Variants in DDX23 observed in about 807,000 individuals in gnomAD.
DDX23 encodes probable ATP-dependent RNA helicase DDX23.
Under a neutral mutation model 102.7 loss-of-function variants are expected in DDX23, and 33 were observed. That is an observed-to-expected ratio of 0.32 (90% confidence interval 0.24 to 0.43). The LOEUF (loss-of-function observed/expected upper bound fraction) is 0.43. DDX23 is among the 20% of genes least tolerant of loss of function. The pLI is 1.00. For missense variants in DDX23, 549 were observed against 1,086.6 expected (o/e 0.51, Z 6.96); for synonymous variants, 352 against 376.0 (o/e 0.94, Z 0.74).
rs1938473958 is a variant in DDX23, at chr12:48,836,881, C to A, written c.1010+13G>T. The A allele has an allele frequency of 6.2e-7, 1 of 1,613,838 alleles. No individual in the cohort carries two copies. Among genetic ancestry groups the A allele is most frequent in the African/African-American group, 1.3e-5 (1 of 74,932 alleles). ...CTGGGCTCTGTCCAGCCACCCTAGC[C>A]TTGATCACTCACTCCTCCTGCTCCT... is the stretch of plus-strand genomic sequence containing the variant. On this transcript the variant is annotated intron_variant, in intron 9 of 16. Transcript: ENST00000308025. This position sits in a 1 kb window ranked among gnomAD's most constrained non-coding sequence, Gnocchi z 6.1.
intron 12 of DDX23, 142 bp from the exon 13 acceptor site, chr12:48,833,661 C>T: frequency 2.0e-6 from 2 of 993,978 alleles, no homozygotes; most frequent in South Asian, 1.7e-5. Flanking sequence ...GCAGTAAAGG[C>T]TCCTGCAAAC....
In DDX23 at chr12:48,832,039, C is replaced by A. The variant is rs374141637; in HGVS notation, c.2064+39G>T. 1 of 1,590,106 alleles carries A rather than the reference C, an allele frequency of 6.3e-7. No homozygotes were observed. The highest frequency in any genetic ancestry group is 1.7e-5 in the Admixed American group (1 of 59,914). On this transcript the variant is annotated intron_variant, in intron 15 of 16. Coordinates refer to ENST00000308025, the MANE Select transcript of DDX23 (RefSeq NM_004818.3). The surrounding 1 kb of genome is among the most constrained non-coding windows in gnomAD (Gnocchi z 4.4). ...GCCCTGCTAGATTCAGAAAGCAGTG[C>A]CACAGAGGCTAGACTTTGTTCTCCC...
At chr12:48,831,085 G>A in intron 16 of DDX23, 57 bp downstream of exon 16, 1 of 1,593,522 alleles carries the variant, frequency 6.3e-7, no homozygotes. Flanking sequence ...CTTCCAGTGG[G>A]ACACCATAAG....
Position 48,839,829 on chromosome 12 carries a change from C to G in DDX23, c.480+15G>C, listed in dbSNP as rs1489965673. 1.9e-6 allele frequency: 3 copies of G among 1,613,610 alleles called. No homozygotes were observed. The African/African-American group carries it at 4.0e-5, about 22-fold the overall frequency. On this transcript the variant is annotated intron_variant, in intron 5 of 16. Coordinates refer to ENST00000308025, the MANE Select transcript of DDX23 (RefSeq NM_004818.3). The stretch of plus-strand genomic sequence containing the variant: ...GGCAGCCTGAGCCGATGAATGAAGA[C>G]CCTCAAGTACTTACCTTAGCCTCAG...
intron 1 of DDX23, among the ~76,000 whole-genome samples, chr12:48,849,017 T>C (rs1938715153): frequency 6.6e-6 from 1 of 152,010 alleles, no homozygotes; most frequent in African/African-American, 2.4e-5. Context: ...CCCAAAGTGC[T>C]GGGATAACAA....
chr12:48,845,182 G>A (rs1048454474), intron 2 of DDX23, among the ~76,000 whole-genome samples: 4 of 149,232 alleles, frequency 2.7e-5, no homozygotes, highest in Non-Finnish European at 5.9e-5. Context: ...GGCCAGGCGC[G>A]GTGGCTCACG....
intron 3 of DDX23, among the ~76,000 whole-genome samples, chr12:48,843,295 TAAAAAA>T (rs1042555081): frequency 1.5e-5 from 2 of 135,966 alleles, no homozygotes; most frequent in African/African-American, 5.4e-5. Flanking sequence ...AATGATCAAT[TAAAAAA>T]AAAAAAACCC....
chr12:48,838,978 C>T (rs59128273), intron 5 of DDX23, among the ~76,000 whole-genome samples: 62,284 of 151,766 alleles, frequency 0.41, 13,154 homozygotes, highest in East Asian at 0.6. Flanking sequence ...TGGGCTCAAG[C>T]AATATCCTTG....
rs1249079368 is a variant in DDX23, at chr12:48,829,947, A to C, written c.*522T>G. The C allele has an allele frequency of 6.9e-5, 24 of 348,260 alleles. No individual in the cohort carries two copies. In the East Asian group the frequency reaches 1.7e-3, roughly 25 times the overall value. 21.6% of individuals were successfully genotyped at this position (348,260 alleles called of 1,614,324 possible). On this transcript the variant is annotated 3_prime_UTR_variant, in exon 17 of 17. Transcript: ENST00000308025. ...AGCACCCCTTGGTGCGGGGCTGTGC[A>C]CAGGTCTAAAGACTCTCAACTTCCT...
Position 48,831,139 on chromosome 12 carries a change from T to A in DDX23, c.2239+3A>T. 1 of 1,614,090 alleles carries A rather than the reference T, an allele frequency of 6.2e-7. No individual in the cohort carries two copies. Among genetic ancestry groups the A allele is most frequent in the African/African-American group, 1.3e-5 (1 of 75,046 alleles). On this transcript the variant is annotated splice_donor_region_variant and intron_variant, in intron 16 of 16. Transcript: ENST00000308025. ...GATTGAAGCTGCTTTCCCTGGAACT[T>A]ACCTTCAATATTTTTGGCCATATCA...
intron 3 of DDX23, among the ~76,000 whole-genome samples, chr12:48,843,319 A>C (rs116785455): frequency 0.014 from 2,083 of 151,144 alleles, 46 homozygotes; most frequent in African/African-American, 0.048. Context: ...CCCAAAAAAA[A>C]CAAAATCTGG....
chr12:48,847,754 T>C (rs1938692534), intron 1 of DDX23, among the ~76,000 whole-genome samples: 1 of 152,110 alleles, frequency 6.6e-6, no homozygotes, highest in African/African-American at 2.4e-5. Context: ...AGGCAGAGGC[T>C]GCAGTAAGCC....
At chr12:48,844,342 G>C (rs949868302) in intron 2 of DDX23, among the ~76,000 whole-genome samples, 3 of 151,142 alleles carry the variant, frequency 2.0e-5, no homozygotes, top group Middle Eastern at 3.4e-3. Flanking sequence ...GCAGTGGTGT[G>C]ATCTCGGCTC....
Position 48,832,304 on chromosome 12 carries a change from G to A in DDX23, c.1955+118C>T. The A allele has an allele frequency of 6.4e-7, 1 of 1,551,912 alleles. No individual in the cohort carries two copies. Among genetic ancestry groups the A allele is most frequent in the South Asian group, 1.2e-5 (1 of 85,164 alleles). On this transcript the variant is annotated intron_variant, in intron 14 of 16. Transcript: ENST00000308025. The surrounding 1 kb of genome is among the most constrained non-coding windows in gnomAD (Gnocchi z 4.4). ...TTAATGCCCATGACATTCTGCCCAA[G>A]AAAACAGCAGCTCTTCAACACAGCA... is the stretch of plus-strand genomic sequence containing the variant.
chr12:48,836,195 C>A lies in DDX23; in HGVS notation c.1308G>T (p.Glu436Asp). The A allele has an allele frequency of 1.9e-6, 3 of 1,614,090 alleles. No individual in the cohort carries two copies. The highest frequency in any genetic ancestry group is 2.5e-6 in the Non-Finnish European group (3 of 1,180,034). ...LQNRDIIGVAETGSGKTAAFL... is the reference protein window; with the variant it reads ...LQNRDIIGVADTGSGKTAAFL... ...AGGCTGCTGTCTTGCCACTGCCAGTCTCAGCCACACCAATGATGTCACGAT... is the reference window on the plus strand; with the variant it reads ...AGGCTGCTGTCTTGCCACTGCCAGTATCAGCCACACCAATGATGTCACGAT... The change falls in exon 11 of 17, where the codon GAG becomes GAT. Residue 436 changes from glutamate (E) to aspartate (D), a missense_variant. This residue lies in a region of DDX23 where 270 missense variants were observed against 707.0 expected (regional missense o/e 0.38). Coordinates refer to ENST00000308025, the MANE Select transcript of DDX23 (RefSeq NM_004818.3). This position sits in a 1 kb window ranked among gnomAD's most constrained non-coding sequence, Gnocchi z 6.1.
intron 1 of DDX23, chr12:48,847,313 G>C (rs1231370580): frequency 6.6e-6 from 1 of 152,052 alleles, no homozygotes; most frequent in Non-Finnish European, 1.5e-5. Flanking sequence ...TCAGGAGATT[G>C]AGACCATCCT....
intron 11 of DDX23, chr12:48,834,782 A>C: frequency 3.8e-6 from 1 of 263,380 alleles, no homozygotes; most frequent in East Asian, 8.9e-5. Context: ...AAAAATACAA[A>C]AATTAGCCAG....
intron 11 of DDX23, 166 bp from the exon 12 acceptor site, chr12:48,834,663 G>A: frequency 1.6e-6 from 1 of 628,090 alleles, no homozygotes; most frequent in Non-Finnish European, 2.6e-6. Context: ...GCTGGGCATG[G>A]TGGCTCATGT....
intron 1 of DDX23, among the ~76,000 whole-genome samples, chr12:48,851,538 G>A (rs1308541523): frequency 5.9e-5 from 9 of 152,160 alleles, no homozygotes; most frequent in Admixed American, 4.6e-4. Context: ...ACCAAGAAGA[G>A]TATCAAGGCT....
Sources: gnomAD v4.1 joint callset for allele counts (sites outside exome capture counted in the v4.1 genomes callset) on GRCh38, gnomAD v4.1.1 for gene constraint, gnomAD v4.1.1 regional missense constraint, Gnocchi (gnomAD v3.1) non-coding constraint, MANE v1.5 for transcripts, NCBI Gene and HGNC (gene_info 2026-07-23, HGNC 2026-07-21) for gene names.